The following CEP128 variants were observed in gnomAD, a reference collection of about 807,000 sequenced individuals.
CEP128 encodes centrosomal protein 128kDa.
CEP128 carries 132 observed loss-of-function variants against 156.7 expected under a neutral mutation model. That is an observed-to-expected ratio of 0.84 (90% CI 0.73 to 0.97). The LOEUF (loss-of-function observed/expected upper bound fraction) is 0.97, where lower values mean the gene tolerates loss of function less well. Among genes scored for constraint, CEP128 ranks in the 50% least tolerant of loss-of-function variants. The probability of loss-of-function intolerance (pLI) is 0.00; values close to 1 mark genes in which losing one functional copy is unlikely to be tolerated. For synonymous variants in CEP128, 469 were observed against 448.9 expected (o/e 1.04, Z -0.57); for missense variants, 1,252 against 1,281.9 (o/e 0.98, Z 0.36).
chr14:80,500,240 T>C (rs1481990145), intron 24 of CEP128, among the ~76,000 whole-genome samples: 2 of 152,200 alleles, frequency 1.3e-5, no homozygotes, highest in African/African-American at 4.8e-5. Context: ...ATGCTTTAGT[T>C]TGGTCACAGT....
At chr14:80,491,109 A>G (rs1351021057) in intron 6 of CEP128, among the ~76,000 whole-genome samples, 1 of 152,228 alleles carries the variant, frequency 6.6e-6, no homozygotes, top group Non-Finnish European at 1.5e-5. Context: ...ATTTACCCTC[A>G]GTGGAATCTA....
chr14:80,903,387 G>A (rs1267770630), intron 6 of CEP128, among the ~76,000 whole-genome samples: 1 of 152,022 alleles, frequency 6.6e-6, no homozygotes, highest in African/African-American at 2.4e-5. Context: ...ACCTGAAACT[G>A]TAAAACCACT....
At chr14:80,740,581 C>G (rs1898780838) in intron 19 of CEP128, among the ~76,000 whole-genome samples, 1 of 152,020 alleles carries the variant, frequency 6.6e-6, no homozygotes, top group South Asian at 2.1e-4. Flanking sequence ...ATATTTCTTT[C>G]ACTGTCTACT....
intron 9 of CEP128, among the ~76,000 whole-genome samples, chr14:80,861,678 C>T (rs1448864515): frequency 1.3e-5 from 2 of 152,070 alleles, no homozygotes; most frequent in Non-Finnish European, 2.9e-5. Flanking sequence ...CAACTAAATG[C>T]TATGTGTGAA....
At chr14:80,685,680 G>A (rs947404088) in intron 19 of CEP128, among the ~76,000 whole-genome samples, 10 of 152,112 alleles carry the variant, frequency 6.6e-5, no homozygotes, top group Non-Finnish European at 1.3e-4. Flanking sequence ...GAACAAAGCT[G>A]GAGATAGCAC....
chr14:80,509,519 C>T (rs1476676029), intron 23 of CEP128, among the ~76,000 whole-genome samples: 2 of 152,100 alleles, frequency 1.3e-5, no homozygotes, highest in East Asian at 3.9e-4. Context: ...GTTTGAGTTC[C>T]TTATGTATTA....
Position 80,807,722 on chromosome 14 carries a change from C to T in CEP128, c.1210-14612G>A, listed in dbSNP as rs147320876. On this transcript the variant is annotated intron_variant, in intron 13 of 24. Coordinates refer to ENST00000555265, the MANE Select transcript of CEP128 (RefSeq NM_152446.5). ...CATCCCGTAAGGGCCCTGCACCAGA[C>T]GGGAACTTGTGCTAGGTTACTCACC... is the stretch of plus-strand genomic sequence containing the variant. 2.7e-3 allele frequency among the ~76,000 whole-genome samples: 417 copies of T among 152,300 alleles called. 4 individuals are homozygous for T. The highest frequency in any genetic ancestry group is 0.024 in the Middle Eastern group (7 of 294).
chr14:80,651,246 T>C (rs1388567120), intron 19 of CEP128, among the ~76,000 whole-genome samples: 1 of 152,190 alleles, frequency 6.6e-6, no homozygotes, highest in African/African-American at 2.4e-5. Flanking sequence ...TGTATTTCTG[T>C]GGGATCAGTG....
chr14:80,642,259 G>T lies in CEP128; in HGVS notation c.2807-61836C>A, dbSNP rs545877183. Reference sequence around the variant, plus strand: ...AGAAACACCTCATTCTAAGAAAAGAGGGGATCAAGTTTTGTCCATTAATAA... The same window carrying T: ...AGAAACACCTCATTCTAAGAAAAGATGGGATCAAGTTTTGTCCATTAATAA... On this transcript the variant is annotated intron_variant, in intron 19 of 24. Coordinates refer to ENST00000555265, the MANE Select transcript of CEP128 (RefSeq NM_152446.5). 7.3e-4 allele frequency among the ~76,000 whole-genome samples: 111 copies of T among 152,212 alleles called. 1 individual carries two copies. Among genetic ancestry groups the T allele is most frequent in the African/African-American group, 2.6e-3 (106 of 41,532 alleles).
chr14:80,861,775 T>A (rs777732116), intron 9 of CEP128, among the ~76,000 whole-genome samples: 1 of 152,224 alleles, frequency 6.6e-6, no homozygotes, highest in Non-Finnish European at 1.5e-5. Context: ...AGTATTTTAC[T>A]GATTTTAATT....
At chr14:80,645,644 T>C (rs1444069439) in intron 19 of CEP128, among the ~76,000 whole-genome samples, 1 of 152,128 alleles carries the variant, frequency 6.6e-6, no homozygotes, top group African/African-American at 2.4e-5. Context: ...TATAGGCATT[T>C]TGAAAGATAG....
intron 22 of CEP128, among the ~76,000 whole-genome samples, chr14:80,527,833 TA>T (rs753876359): frequency 2.6e-5 from 4 of 152,004 alleles, no homozygotes; most frequent in Admixed American, 6.6e-5. Flanking sequence ...ATTCAGGTAA[TA>T]AAAAAAATTA....
At chr14:80,789,441 A>C (rs1487420557) in intron 14 of CEP128, among the ~76,000 whole-genome samples, 1 of 152,212 alleles carries the variant, frequency 6.6e-6, no homozygotes, top group Non-Finnish European at 1.5e-5. Context: ...CGGTCACTAT[A>C]AAATAAGACA....
chr14:80,568,327 A>T (rs1296885337), intron 20 of CEP128, among the ~76,000 whole-genome samples: 1 of 152,202 alleles, frequency 6.6e-6, no homozygotes, highest in Admixed American at 6.5e-5. Context: ...ATTGTTAACT[A>T]TCATGCATGT....
At chr14:80,827,244 A>G (rs1229483293) in intron 13 of CEP128, among the ~76,000 whole-genome samples, 3 of 152,262 alleles carry the variant, frequency 2.0e-5, no homozygotes, top group Non-Finnish European at 2.9e-5. Flanking sequence ...AAGAAAAAAC[A>G]TAAATTTTTT....
At chr14:80,555,597 C>T (rs780821018) in intron 21 of CEP128, among the ~76,000 whole-genome samples, 6 of 151,968 alleles carry the variant, frequency 3.9e-5, no homozygotes, top group Non-Finnish European at 7.4e-5. Context: ...TATATGTGTA[C>T]GGGAGTCATG....
intron 13 of CEP128, among the ~76,000 whole-genome samples, chr14:80,825,420 A>G (rs1885419343): frequency 6.6e-6 from 1 of 152,212 alleles, no homozygotes; most frequent in South Asian, 2.1e-4. Flanking sequence ...TATTTAATTT[A>G]TATGTAAAAA....
downstream of CEP128, among the ~76,000 whole-genome samples, chr14:80,485,868 T>A (rs1000583963): frequency 1.3e-5 from 2 of 152,228 alleles, no homozygotes; most frequent in African/African-American, 4.8e-5. Context: ...GCAGGTGGAA[T>A]AAAATGCATG....
chr14:80,558,205 T>G (rs1890518207), intron 21 of CEP128, among the ~76,000 whole-genome samples: 1 of 152,176 alleles, frequency 6.6e-6, no homozygotes, highest in South Asian at 2.1e-4. Flanking sequence ...CATTTAATAT[T>G]ATAAGCCTTT....
Sources: gnomAD v4.1 joint callset for allele counts (sites outside exome capture counted in the v4.1 genomes callset) on GRCh38, gnomAD v4.1.1 for gene constraint, MANE v1.5 for transcripts, NCBI Gene and HGNC (gene_info 2026-07-23, HGNC 2026-07-21) for gene names.